PPP3CA: variants seen among roughly 807,000 people sequenced by gnomAD.
The protein encoded by PPP3CA is CAM-PRP catalytic subunit.
Under a neutral mutation model 66.5 loss-of-function variants are expected in PPP3CA, and 14 were observed. The observed-to-expected ratio is 0.21, with a 90% CI of 0.14 to 0.33. The LOEUF (loss-of-function observed/expected upper bound fraction) is 0.33. PPP3CA is among the 10% of genes least tolerant of loss of function. The probability of loss-of-function intolerance (pLI) is 1.00; values close to 1 mark genes in which losing one functional copy is unlikely to be tolerated. For missense variants in PPP3CA, 317 were observed against 639.5 expected (o/e 0.50, Z 5.44); for synonymous variants, 232 against 226.2 (o/e 1.03, Z -0.23).
At chr4:101,277,417 C>T (rs375414364) in intron 1 of PPP3CA, among the ~76,000 whole-genome samples, 11 of 152,176 alleles carry the variant, frequency 7.2e-5, no homozygotes, top group South Asian at 2.1e-4. Flanking sequence ...TATCAAAAAA[C>T]GCATTTTAAA....
intron 1 of PPP3CA, among the ~76,000 whole-genome samples, chr4:101,336,168 T>TTACAC (rs1729628276): frequency 6.6e-6 from 1 of 150,492 alleles, no homozygotes; most frequent in East Asian, 2.0e-4. Context: ...TGAGCCAAGA[T>TTACAC]CACACCACTG....
chr4:101,063,099 A>G, intron 9 of PPP3CA, 133 bp downstream of exon 9: 1 of 1,172,808 alleles, frequency 8.5e-7, no homozygotes, highest in East Asian at 2.4e-5. Flanking sequence ...GCCACTTCCA[A>G]ATCACATCTT....
intron 1 of PPP3CA, among the ~76,000 whole-genome samples, chr4:101,254,011 A>G (rs1326678557): frequency 1.3e-5 from 2 of 152,064 alleles, no homozygotes; most frequent in Non-Finnish European, 2.9e-5. Flanking sequence ...TTCTATAGTA[A>G]TAAGGCATTT....
chr4:101,278,425 C>A (rs1175341065), intron 1 of PPP3CA, among the ~76,000 whole-genome samples: 1 of 152,174 alleles, frequency 6.6e-6, no homozygotes, highest in Non-Finnish European at 1.5e-5. Context: ...TCATCACTCC[C>A]TCTACCACCT....
chr4:101,124,659 G>GAGAC (rs1255172153), intron 2 of PPP3CA, among the ~76,000 whole-genome samples: 3 of 109,622 alleles, frequency 2.7e-5, no homozygotes, highest in African/African-American at 1.1e-4. Flanking sequence ...GAGGGAGAGA[G>GAGAC]AGACAGAAAG....
chr4:101,251,622 CA>C lies in PPP3CA; in HGVS notation c.59-55507del, dbSNP rs376670965. ...AGTGCTTTTCCTGAATAACAGAAAA[CA>C]AAAAACTTGTAGAGATTAAAAGCAA... On this transcript the variant is annotated intron_variant, in intron 1 of 13. Coordinates refer to ENST00000394854, the MANE Select transcript of PPP3CA (RefSeq NM_000944.5). Among the ~76,000 whole-genome samples, 7 of 151,906 alleles carry C rather than the reference CA, an allele frequency of 4.6e-5. No individual in the cohort carries two copies. In the East Asian group the frequency reaches 1.4e-3, roughly 29 times the overall value.
chr4:101,124,044 C>A lies in PPP3CA; in HGVS notation c.260-14966G>T, dbSNP rs572420755. ...TTTAGCACCACTTGATTAGAACTAT[C>A]CCCTTAATAAATGGTTACAATAATA... On this transcript the variant is annotated intron_variant, in intron 2 of 13. Coordinates refer to ENST00000394854, the MANE Select transcript of PPP3CA (RefSeq NM_000944.5). Among the ~76,000 whole-genome samples the A allele has an allele frequency of 5.3e-5, 8 of 152,260 alleles. No homozygotes were observed. The South Asian group carries it at 1.7e-3, about 32-fold the overall frequency.
intron 1 of PPP3CA, among the ~76,000 whole-genome samples, chr4:101,282,031 C>T (rs80208621): frequency 0.017 from 2,649 of 152,294 alleles, 30 homozygotes; most frequent in Non-Finnish European, 0.025. Flanking sequence ...CCCTCCACCC[C>T]ATACCTTTTC....
chr4:101,115,701 C>T (rs2659547), intron 2 of PPP3CA, among the ~76,000 whole-genome samples: 85,084 of 151,524 alleles, frequency 0.56, 26,738 homozygotes, highest in African/African-American at 0.85. Flanking sequence ...GATACAAAAC[C>T]AATGTAATAT....
intron 1 of PPP3CA, among the ~76,000 whole-genome samples, chr4:101,203,498 A>C (rs752388259): frequency 1.4e-4 from 22 of 152,286 alleles, no homozygotes; most frequent in Admixed American, 7.2e-4. Flanking sequence ...CCATCTCAAA[A>C]AAACAAACAA....
intron 2 of PPP3CA, among the ~76,000 whole-genome samples, chr4:101,129,732 C>G (rs1047811673): frequency 6.6e-6 from 1 of 152,140 alleles, no homozygotes. Flanking sequence ...CACAGAAACT[C>G]CATCTGAAGG....
At chr4:101,059,021 G>C (rs1019015920) in intron 10 of PPP3CA, among the ~76,000 whole-genome samples, 2 of 152,046 alleles carry the variant, frequency 1.3e-5, no homozygotes, top group South Asian at 4.1e-4. Context: ...GATTATTATT[G>C]TATTAATGTT....
chr4:101,301,467 T>G (rs1192569778), intron 1 of PPP3CA, among the ~76,000 whole-genome samples: 1 of 146,390 alleles, frequency 6.8e-6, no homozygotes, highest in Non-Finnish European at 1.5e-5. Flanking sequence ...ATATTATATA[T>G]ATTATATTTA....
intron 2 of PPP3CA, among the ~76,000 whole-genome samples, chr4:101,150,196 A>G (rs2110297852): frequency 6.6e-6 from 1 of 152,318 alleles, no homozygotes; most frequent in African/African-American, 2.4e-5. Context: ...GAATAGGCCC[A>G]TCATTATTAA....
At chr4:101,043,204 A>G (rs1284115402) in intron 10 of PPP3CA, among the ~76,000 whole-genome samples, 6 of 152,148 alleles carry the variant, frequency 3.9e-5, no homozygotes, top group Non-Finnish European at 7.4e-5. Context: ...ATATAAAATC[A>G]AATAAGTAAA....
chr4:101,313,120 A>C (rs747496904), intron 1 of PPP3CA, among the ~76,000 whole-genome samples: 3 of 152,072 alleles, frequency 2.0e-5, no homozygotes, highest in Non-Finnish European at 4.4e-5. Flanking sequence ...TATGGGTAGG[A>C]CTGTATTTTT....
At chr4:101,123,865 C>G (rs1416756995) in intron 2 of PPP3CA, among the ~76,000 whole-genome samples, 4 of 152,154 alleles carry the variant, frequency 2.6e-5, no homozygotes, top group African/African-American at 9.7e-5. Context: ...ACAATATCAT[C>G]TCCCATACAA....
At chr4:101,098,599 G>A in intron 4 of PPP3CA, 87 bp from the exon 5 acceptor site, 1 of 1,265,046 alleles carries the variant, frequency 7.9e-7, no homozygotes, top group Non-Finnish European at 1.1e-6. Context: ...AAGTTTTCTT[G>A]CTAGGACCCT....
intron 2 of PPP3CA, among the ~76,000 whole-genome samples, chr4:101,121,204 C>T (rs948933779): frequency 6.6e-6 from 1 of 151,966 alleles, no homozygotes; most frequent in African/African-American, 2.4e-5. Context: ...ACTCTTCTCC[C>T]TTCCTTTGAC....
Sources: allele counts gnomAD v4.1 joint callset (sites outside exome capture counted in the v4.1 genomes callset), GRCh38; gene constraint gnomAD v4.1.1; transcripts MANE v1.5; gene names NCBI Gene and HGNC (gene_info 2026-07-23, HGNC 2026-07-21).